UTRN: variants seen among roughly 807,000 people sequenced by gnomAD.
UTRN encodes dystrophin-related protein 1.
Under a neutral mutation model 463.9 loss-of-function variants are expected in UTRN, and 283 were observed. The observed-to-expected ratio is 0.61, with a 90% CI of 0.55 to 0.67. The LOEUF (loss-of-function observed/expected upper bound fraction) is 0.67. Among genes scored for constraint, UTRN ranks in the 30% least tolerant of loss-of-function variants. The pLI, the probability that UTRN is intolerant of heterozygous loss-of-function variation, is 0.00. For missense variants in UTRN, 3,922 were observed against 4,084.3 expected, an observed-to-expected ratio of 0.96 and a Z score of 1.08; for synonymous variants, 1,442 against 1,431.5, an observed-to-expected ratio of 1.01 and a Z score of -0.17.
chr6:144,403,221 G>GAA, intron 3 of UTRN, 37 bp downstream of exon 3: 1 of 1,581,316 alleles, frequency 6.3e-7, no homozygotes, highest in Admixed American at 1.7e-5. Flanking sequence ...TGGTTCAGAT[G>GAA]CCGCATTCTG....
intron 23 of UTRN, among the ~76,000 whole-genome samples, chr6:144,463,427 A>C (rs1789610460): frequency 6.6e-6 from 1 of 152,154 alleles, no homozygotes; most frequent in African/African-American, 2.4e-5. Context: ...AAATGTGAGG[A>C]TGTATAAGGA....
Position 144,493,386 on chromosome 6 carries a change from C to T in UTRN, c.4523C>T (p.Thr1508Met), listed in dbSNP as rs753388577. The change falls in exon 33 of 75, where the codon ACG becomes ATG. Residue 1508 changes from threonine to methionine, a missense_variant. Thr to Met is a moderately conservative substitution (Grantham distance 81). This residue lies in a region of UTRN where 2,349 missense variants were observed against 2,303.8 expected (regional missense o/e 1.02). Coordinates refer to ENST00000367545, the MANE Select transcript of UTRN (RefSeq NM_007124.3). ...AGACATATTGTCCAGAAACAGCAAA[C>T]GGACAACCCAAAAGGGATGGATGAG... ...TGRHIVQKQQ[T>M]DNPKGMDEQL... 3.1e-6 allele frequency: 5 copies of T among 1,613,938 alleles called. No homozygotes were observed. The highest frequency in any genetic ancestry group is 4.2e-6 in the Non-Finnish European group (5 of 1,179,978).
intron 3 of UTRN, among the ~76,000 whole-genome samples, chr6:144,406,930 G>A (rs1468417972): frequency 5.3e-5 from 8 of 151,960 alleles, no homozygotes; most frequent in African/African-American, 7.2e-5. Context: ...CCAGCCACAC[G>A]GCCTTTGCTT....
At chr6:144,488,370 T>C (rs1281163688) in intron 29 of UTRN, among the ~76,000 whole-genome samples, 9 of 152,174 alleles carry the variant, frequency 5.9e-5, no homozygotes, top group Non-Finnish European at 1.2e-4. Context: ...TAAAAATGCT[T>C]TAAAATTATA....
chr6:144,438,976 A>G (rs1786860264), intron 12 of UTRN, 81 bp downstream of exon 12: 1 of 1,443,592 alleles, frequency 6.9e-7, no homozygotes, highest in Non-Finnish European at 9.5e-7. Flanking sequence ...GATGACATCT[A>G]TCGTTAACAT....
chr6:144,493,499 C>T, intron 33 of UTRN, 43 bp downstream of exon 33: 1 of 1,569,752 alleles, frequency 6.4e-7, no homozygotes, highest in African/African-American at 1.4e-5. Flanking sequence ...GTCTCTCTCT[C>T]TCTCTCTCTC....
At chr6:144,311,075 A>G (rs895938085) in intron 2 of UTRN, among the ~76,000 whole-genome samples, 8 of 152,212 alleles carry the variant, frequency 5.3e-5, no homozygotes, top group African/African-American at 1.9e-4. Flanking sequence ...TGGCATGAAA[A>G]TGCCCATTTA....
chr6:144,381,014 C>A (rs1780861695), intron 2 of UTRN, among the ~76,000 whole-genome samples: 1 of 149,114 alleles, frequency 6.7e-6, no homozygotes, highest in Admixed American at 6.7e-5. Context: ...TGAAGGATTT[C>A]TTTTTTAAAC....
intron 53 of UTRN, 89 bp from the exon 54 acceptor site, chr6:144,730,268 G>A: frequency 7.6e-7 from 1 of 1,312,116 alleles, no homozygotes; most frequent in Non-Finnish European, 9.8e-7. Flanking sequence ...TTCTTGCTAA[G>A]TGTGGTCAGA....
chr6:144,386,155 T>A (rs1398654734), intron 2 of UTRN, among the ~76,000 whole-genome samples: 1 of 152,132 alleles, frequency 6.6e-6, no homozygotes, highest in East Asian at 1.9e-4. Flanking sequence ...TGAATGAGCT[T>A]TTTAATTAAA....
intron 2 of UTRN, among the ~76,000 whole-genome samples, chr6:144,400,940 A>G (rs1467172763): frequency 1.3e-5 from 2 of 152,228 alleles, no homozygotes; most frequent in Non-Finnish European, 2.9e-5. Flanking sequence ...TGGAAAGATT[A>G]TTATCATTGA....
intron 52 of UTRN, among the ~76,000 whole-genome samples, chr6:144,695,016 T>G (rs189248783): frequency 6.6e-6 from 1 of 152,122 alleles, no homozygotes; most frequent in African/African-American, 2.4e-5. Flanking sequence ...TTGATACTCT[T>G]TATGCTACTT....
intron 24 of UTRN, among the ~76,000 whole-genome samples, chr6:144,474,391 A>G (rs1482580140): frequency 6.6e-6 from 1 of 152,116 alleles, no homozygotes; most frequent in African/African-American, 2.4e-5. Flanking sequence ...CCCTTCTGAG[A>G]GTCAAGTATT....
chr6:144,535,800 G>A (rs1486943247), intron 43 of UTRN, among the ~76,000 whole-genome samples: 1 of 151,968 alleles, frequency 6.6e-6, no homozygotes, highest in African/African-American at 2.4e-5. Flanking sequence ...CTTTTTTGGA[G>A]ACAAGGTCTT....
chr6:144,605,329 C>A (rs1359317372), intron 51 of UTRN, among the ~76,000 whole-genome samples: 1 of 151,958 alleles, frequency 6.6e-6, no homozygotes, highest in Non-Finnish European at 1.5e-5. Context: ...AGAATCACAG[C>A]CCTGATATCC....
At chr6:144,759,006 CGTT>C (rs1457410092) in intron 58 of UTRN, among the ~76,000 whole-genome samples, 1 of 152,054 alleles carries the variant, frequency 6.6e-6, no homozygotes, top group African/African-American at 2.4e-5. Flanking sequence ...TTCCTGAAAA[CGTT>C]GTGTGAAGTC....
At chr6:144,585,956 T>C (rs554336692) in intron 51 of UTRN, among the ~76,000 whole-genome samples, 23 of 152,160 alleles carry the variant, frequency 1.5e-4, no homozygotes, top group Non-Finnish European at 3.1e-4. Context: ...ATTTGACTAT[T>C]TAAAATTCAT....
chr6:144,419,712 A>T (rs1784661466), intron 3 of UTRN, among the ~76,000 whole-genome samples: 1 of 152,170 alleles, frequency 6.6e-6, no homozygotes, highest in African/African-American at 2.4e-5. Flanking sequence ...AGTCTAGTTC[A>T]AGGGTCAGCT....
chr6:144,803,124 C>T lies in UTRN; in HGVS notation c.9334C>T (p.Pro3112Ser). Residue 3112 changes from proline (P) to serine (S), a missense_variant, in exon 65 of 75, where the codon CCA becomes TCA. Physicochemically the swap from Pro to Ser is moderately conservative, Grantham distance 74 (BLOSUM62 -1). Transcript: ENST00000367545. ...RTAKGHKLHY[P>S]MVEYCIPTTS... ...AGCAAAAGGTCACAAATTACATTAC[C>T]CAATGGTGGAATATTGTATACCTGT... The T allele has an allele frequency of 6.3e-7, 1 of 1,590,156 alleles. No individual in the cohort carries two copies. The highest frequency in any genetic ancestry group is 8.6e-7 in the Non-Finnish European group (1 of 1,168,836).
Sources: allele counts gnomAD v4.1 joint callset (sites outside exome capture counted in the v4.1 genomes callset), GRCh38; gene constraint gnomAD v4.1.1; regional missense constraint gnomAD v4.1.1; transcripts MANE v1.5; gene names NCBI Gene and HGNC (gene_info 2026-07-23, HGNC 2026-07-21).